Variants in FOXK2 observed in about 807,000 individuals in gnomAD.
The protein encoded by FOXK2 is forkhead box protein K2.
Under a neutral mutation model 53.3 loss-of-function variants are expected in FOXK2, and 24 were observed. The observed-to-expected ratio is 0.45, with a 90% CI of 0.33 to 0.63. FOXK2 has a LOEUF of 0.63. Among genes scored for constraint, FOXK2 ranks in the 30% least tolerant of loss-of-function variants. FOXK2 has a pLI of 0.03. For synonymous variants in FOXK2, 505 were observed against 407.1 expected (o/e 1.24, Z -2.89); for missense variants, 952 against 910.5 (o/e 1.05, Z -0.59).
Position 82,563,648 on chromosome 17 carries a change from A to G in FOXK2, c.614+100A>G. ...CTGGTGCTGACTTATGTGGAGAGAG[A>G]GAATGTGAGGTGGTGTTTAAAATAT... On this transcript the variant is annotated intron_variant, in intron 2 of 8. Transcript: ENST00000335255. 2.9e-6 allele frequency: 3 copies of G among 1,033,720 alleles called. No individual in the cohort carries two copies. In the South Asian group the frequency reaches 5.6e-5, roughly 19 times the overall value. 64.0% of individuals were successfully genotyped at this position (1,033,720 alleles called of 1,614,324 possible). A position where few individuals can be genotyped will look rare whatever the true frequency, so the allele number is the denominator to read the frequency against.
At chr17:82,552,000 G>A (rs933822785) in intron 1 of FOXK2, among the ~76,000 whole-genome samples, 3 of 152,122 alleles carry the variant, frequency 2.0e-5, no homozygotes, top group Admixed American at 6.5e-5. Flanking sequence ...TGGCAGCCTT[G>A]GGCCCTGGGC....
intron 1 of FOXK2, among the ~76,000 whole-genome samples, chr17:82,562,418 T>A (rs2044806572): frequency 6.6e-6 from 1 of 152,070 alleles, no homozygotes; most frequent in Admixed American, 6.6e-5. Flanking sequence ...CCGTCTCTGC[T>A]AAAAATACGA....
chr17:82,588,902 A>T (rs1032532683), intron 8 of FOXK2, among the ~76,000 whole-genome samples: 1 of 151,278 alleles, frequency 6.6e-6, no homozygotes, highest in South Asian at 2.1e-4. Context: ...AAAAAAAAAA[A>T]AAACAAATTA....
chr17:82,551,638 G>A (rs569777474), intron 1 of FOXK2, among the ~76,000 whole-genome samples: 6 of 151,220 alleles, frequency 4.0e-5, no homozygotes, highest in East Asian at 2.0e-4. Context: ...CTGAGATCAC[G>A]CCACTGCATT....
chr17:82,597,982 A>G (rs542984881), intron 8 of FOXK2, among the ~76,000 whole-genome samples: 68 of 152,146 alleles, frequency 4.5e-4, no homozygotes, highest in African/African-American at 1.6e-3. Flanking sequence ...GCCTCTCACT[A>G]CTGTTCTCTA....
At chr17:82,589,755 A>G (rs1162168675) in intron 8 of FOXK2, among the ~76,000 whole-genome samples, 3 of 152,026 alleles carry the variant, frequency 2.0e-5, no homozygotes, top group African/African-American at 7.3e-5. Context: ...AAAGTCTGTC[A>G]GTGATCTTGG....
In FOXK2 at chr17:82,587,135, A is replaced by G. The variant is rs529897705; in HGVS notation, c.1649A>G (p.Gln550Arg). ...GCCAGCCGGATCATTCAGACGGCAC[A>G]GACCACCCCGGTCCAGACGGTGACC... ...GTASRIIQTA[Q>R]TTPVQTVTIV... Residue 550 changes from glutamine (Q) to arginine (R), a missense_variant, in exon 8 of 9, where the codon CAG (glutamine) becomes CGG (arginine). This residue lies in a region of FOXK2 where 551 missense variants were observed against 385.1 expected (regional missense o/e 1.43). Transcript: ENST00000335255. 12 of 1,613,102 alleles carry G rather than the reference A, an allele frequency of 7.4e-6. No homozygotes were observed. The South Asian group carries it at 1.1e-4, about 15-fold the overall frequency.
intron 1 of FOXK2, among the ~76,000 whole-genome samples, chr17:82,527,129 G>A (rs2044426473): frequency 6.6e-6 from 1 of 152,096 alleles, no homozygotes. Flanking sequence ...CATAAATAAA[G>A]GGATGTTCAT....
At chr17:82,521,717 G>A (rs1355024885) in intron 1 of FOXK2, among the ~76,000 whole-genome samples, 1 of 145,172 alleles carries the variant, frequency 6.9e-6, no homozygotes. Context: ...GGATCACGAG[G>A]TCAGGAGGTC....
intron 1 of FOXK2, among the ~76,000 whole-genome samples, chr17:82,536,561 A>G (rs2044522715): frequency 6.6e-6 from 1 of 152,206 alleles, no homozygotes; most frequent in Admixed American, 6.6e-5. Flanking sequence ...TGTTTTGACA[A>G]AGATTTCCTT....
intron 1 of FOXK2, among the ~76,000 whole-genome samples, chr17:82,561,772 C>T (rs527289111): frequency 6.6e-5 from 10 of 152,282 alleles, no homozygotes; most frequent in African/African-American, 2.2e-4. Context: ...AGGGCCATGG[C>T]GTAGCTTCCG....
intron 1 of FOXK2, among the ~76,000 whole-genome samples, chr17:82,529,279 G>A (rs1241413463): frequency 1.5e-5 from 2 of 137,334 alleles, no homozygotes; most frequent in African/African-American, 5.6e-5. Flanking sequence ...CTGAAGTGCA[G>A]TGGTGTGATC....
At chr17:82,537,948 G>A (rs993620932) in intron 1 of FOXK2, among the ~76,000 whole-genome samples, 8 of 151,628 alleles carry the variant, frequency 5.3e-5, no homozygotes, top group Non-Finnish European at 1.2e-4. Context: ...CCGTGGCCAG[G>A]CACAGTGGCT....
chr17:82,554,510 G>A (rs897449671), intron 1 of FOXK2, among the ~76,000 whole-genome samples: 1 of 152,178 alleles, frequency 6.6e-6, no homozygotes, highest in African/African-American at 2.4e-5. Flanking sequence ...AGTTTAAGTT[G>A]TTGGTTTGTT....
chr17:82,540,267 G>C (rs184181903), intron 1 of FOXK2, among the ~76,000 whole-genome samples: 125 of 149,240 alleles, frequency 8.4e-4, no homozygotes, highest in African/African-American at 2.7e-3. Context: ...GGCAACAAGA[G>C]CGAAACTGTC....
At chr17:82,587,996 T>C (rs1000663094) in intron 8 of FOXK2, among the ~76,000 whole-genome samples, 1 of 151,802 alleles carries the variant, frequency 6.6e-6, no homozygotes, top group Non-Finnish European at 1.5e-5. Flanking sequence ...CACGACACGC[T>C]TTCTTTGAAA....
At chr17:82,530,850 T>G (rs1473726790) in intron 1 of FOXK2, among the ~76,000 whole-genome samples, 5 of 152,186 alleles carry the variant, frequency 3.3e-5, no homozygotes, top group African/African-American at 1.2e-4. Context: ...TTTTTGGTCT[T>G]GTATTTTTCA....
At chr17:82,542,380 G>T (rs1167410879) in intron 1 of FOXK2, among the ~76,000 whole-genome samples, 1 of 152,050 alleles carries the variant, frequency 6.6e-6, no homozygotes, top group Non-Finnish European at 1.5e-5. Context: ...GGCCAGGCTG[G>T]TCTCGAACTC....
At chr17:82,588,768 C>G (rs2045223176) in intron 8 of FOXK2, among the ~76,000 whole-genome samples, 3 of 151,950 alleles carry the variant, frequency 2.0e-5, no homozygotes, top group African/African-American at 4.8e-5. Flanking sequence ...AACCGTATCC[C>G]TGCCTGGTAT....
Sources: allele counts gnomAD v4.1 joint callset (sites outside exome capture counted in the v4.1 genomes callset), GRCh38; gene constraint gnomAD v4.1.1; regional missense constraint gnomAD v4.1.1; transcripts MANE v1.5; gene names NCBI Gene and HGNC (gene_info 2026-07-23, HGNC 2026-07-21).